Variants in MLIP observed in about 807,000 individuals in gnomAD.
MLIP encodes muscular LMNA-interacting protein.
A neutral mutation model predicts 84.8 loss-of-function variants in MLIP; 79 were observed. The ratio of observed to expected loss-of-function variants is 0.93; its 90% CI spans 0.78 to 1.12. The LOEUF is 1.12. Among genes scored for constraint, MLIP ranks in the 50% most tolerant of loss-of-function variants. The pLI is 0.00. For missense variants in MLIP, 1,257 were observed against 1,160.6 expected (o/e 1.08, Z -1.21); for synonymous variants, 504 against 463.0 (o/e 1.09, Z -1.14).
At chr6:54,086,729 G>A (rs1312273480) in intron 1 of MLIP, among the ~76,000 whole-genome samples, 3 of 152,142 alleles carry the variant, frequency 2.0e-5, no homozygotes, top group Non-Finnish European at 4.4e-5. Context: ...GTTCTTCAGG[G>A]ATGTCAGATA....
chr6:54,168,993 A>G (rs1301076282), intron 8 of MLIP, among the ~76,000 whole-genome samples: 3 of 151,762 alleles, frequency 2.0e-5, no homozygotes, highest in Middle Eastern at 3.4e-3. Flanking sequence ...GATGAAGGTC[A>G]GTGATTTGGA....
At chr6:54,092,319 T>C (rs1767923670) in intron 1 of MLIP, among the ~76,000 whole-genome samples, 1 of 152,166 alleles carries the variant, frequency 6.6e-6, no homozygotes, top group African/African-American at 2.4e-5. Flanking sequence ...ATTATTGGCC[T>C]AGCAATAGCA....
At chr6:54,260,955 A>G (rs1783344152) in intron 13 of MLIP, among the ~76,000 whole-genome samples, 1 of 151,898 alleles carries the variant, frequency 6.6e-6, no homozygotes, top group South Asian at 2.1e-4. Flanking sequence ...ACTCCATACA[A>G]GCAGATGAGA....
chr6:54,024,242 C>G (rs1581974154), intron 1 of MLIP, among the ~76,000 whole-genome samples: 2 of 152,146 alleles, frequency 1.3e-5, no homozygotes, highest in African/African-American at 4.8e-5. Context: ...GAACTCCTGA[C>G]CTCAGGTAAT....
Position 54,138,119 on chromosome 6 carries a change from G to T in MLIP, c.2050G>T (p.Gly684Cys). 6.5e-7 allele frequency: 1 copy of T among 1,535,968 alleles called. No individual in the cohort carries two copies. The highest frequency in any genetic ancestry group is 8.7e-7 in the Non-Finnish European group (1 of 1,146,866). ...LSPSALHPHC[G>C]SGTLPSRLGK... ...TCCCTCAGCTCTGCACCCACATTGC[G>T]GCAGTGGTACCTTGCCTTCAAGACT... The change falls in exon 4 of 14, where the codon GGC (glycine) becomes TGC (cysteine). Residue 684 changes from glycine (G) to cysteine (C), a missense_variant. Physicochemically the swap from Gly to Cys is radical, Grantham distance 159 (BLOSUM62 -3). Coordinates refer to ENST00000502396, the MANE Select transcript of MLIP (RefSeq NM_001281747.2).
intron 1 of MLIP, among the ~76,000 whole-genome samples, chr6:54,062,034 A>C (rs1317247005): frequency 6.6e-6 from 1 of 152,200 alleles, no homozygotes; most frequent in Non-Finnish European, 1.5e-5. Flanking sequence ...ATATTTCTGA[A>C]ATCATTTCCT....
At chr6:54,149,773 G>A (rs998090938) in intron 5 of MLIP, among the ~76,000 whole-genome samples, 1 of 151,892 alleles carries the variant, frequency 6.6e-6, no homozygotes, top group African/African-American at 2.4e-5. Flanking sequence ...TGCTATTAAG[G>A]GTCATTAATA....
chr6:54,153,739 C>T (rs753342541), intron 5 of MLIP, among the ~76,000 whole-genome samples: 6 of 151,204 alleles, frequency 4.0e-5, no homozygotes, highest in Admixed American at 2.0e-4. Context: ...GTAATCCCAG[C>T]GACTCCAGGG....
Position 54,214,783 on chromosome 6 carries a change from A to G in MLIP, c.2718+12550A>G, listed in dbSNP as rs183042956. 1.8e-3 allele frequency among the ~76,000 whole-genome samples: 270 copies of G among 152,318 alleles called. 2 individuals carry two copies. The highest frequency in any genetic ancestry group is 2.6e-3 in the Non-Finnish European group (179 of 68,018). The stretch of plus-strand genomic sequence containing the variant: ...AGCTACCTGGGTTGACAGAAGGAAC[A>G]CAGAACACAGGACTATGAGAAAGAC... On this transcript the variant is annotated intron_variant, in intron 11 of 13. Transcript: ENST00000502396.
chr6:54,192,889 C>G (rs1263500707), intron 10 of MLIP, among the ~76,000 whole-genome samples: 1 of 152,062 alleles, frequency 6.6e-6, no homozygotes, highest in African/African-American at 2.4e-5. Context: ...ATGTTTTGAA[C>G]AGAAAATATA....
intron 9 of MLIP, among the ~76,000 whole-genome samples, chr6:54,170,910 A>C (rs930946474): frequency 6.6e-6 from 1 of 151,508 alleles, no homozygotes; most frequent in Admixed American, 6.6e-5. Flanking sequence ...TGGGTACAAG[A>C]AAAGAAAGTT....
intron 12 of MLIP, among the ~76,000 whole-genome samples, chr6:54,242,239 G>A (rs1225661527): frequency 6.6e-6 from 1 of 152,142 alleles, no homozygotes; most frequent in East Asian, 1.9e-4. Context: ...TAGGCCATGA[G>A]CATTCTTTTC....
intron 1 of MLIP, among the ~76,000 whole-genome samples, chr6:54,033,958 T>C (rs1373955607): frequency 3.9e-5 from 6 of 152,222 alleles, no homozygotes; most frequent in Non-Finnish European, 5.9e-5. Context: ...ATAACATTAC[T>C]TAACAACTTG....
intron 1 of MLIP, among the ~76,000 whole-genome samples, chr6:54,043,613 A>T (rs1764871013): frequency 1.3e-5 from 2 of 152,212 alleles, no homozygotes; most frequent in South Asian, 2.1e-4. Flanking sequence ...CAGAGGAATC[A>T]GCCTGCTCAG....
At chr6:54,215,315 T>A in intron 11 of MLIP, 1 of 1,379,800 alleles carries the variant, frequency 7.2e-7, no homozygotes. Context: ...TGGGCTCTTG[T>A]GATTTTTGAA....
chr6:54,252,420 TATAAC>T (rs1782689634), intron 12 of MLIP, among the ~76,000 whole-genome samples: 1 of 128,590 alleles, frequency 7.8e-6, no homozygotes, highest in Non-Finnish European at 1.5e-5. Context: ...TATAGTATAT[TATAAC>T]ATATAATATA....
intron 5 of MLIP, among the ~76,000 whole-genome samples, chr6:54,150,999 G>A (rs973271614): frequency 1.3e-5 from 2 of 152,060 alleles, no homozygotes; most frequent in Non-Finnish European, 2.9e-5. Flanking sequence ...TATGTCTATT[G>A]TTCATACAAA....
intron 4 of MLIP, among the ~76,000 whole-genome samples, chr6:54,145,781 A>C (rs1030503562): frequency 7.2e-4 from 93 of 128,716 alleles, no homozygotes; most frequent in Admixed American, 1.2e-3. Flanking sequence ...GTCCCCCACC[A>C]CCCCCTCCCC....
intron 1 of MLIP, among the ~76,000 whole-genome samples, chr6:54,117,969 GCAACAA>G (rs34572556): frequency 0.011 from 1,600 of 149,606 alleles, 29 homozygotes; most frequent in African/African-American, 0.034. Flanking sequence ...AACAACAACA[GCAACAA>G]CAACAACAAC....
Sources: gnomAD v4.1 joint callset for allele counts (sites outside exome capture counted in the v4.1 genomes callset) on GRCh38, gnomAD v4.1.1 for gene constraint, MANE v1.5 for transcripts, NCBI Gene and HGNC (gene_info 2026-07-23, HGNC 2026-07-21) for gene names.